ZNF831: variants seen among roughly 807,000 people sequenced by gnomAD.
ZNF831 encodes the protein chromosome 20 open reading frame 174.
A neutral mutation model predicts 95.8 loss-of-function variants in ZNF831; 59 were observed. That is an observed-to-expected ratio of 0.62 (90% CI 0.50 to 0.77). ZNF831 has a LOEUF of 0.77. Ranked by LOEUF, ZNF831 falls within the 30% of genes least tolerant of loss-of-function variation. The pLI is 0.00. For synonymous variants in ZNF831, 961 were observed against 925.5 expected, an observed-to-expected ratio of 1.04 and a Z score of -0.70; for missense variants, 2,205 against 2,164.0, an observed-to-expected ratio of 1.02 and a Z score of -0.38.
rs2146583461 is a variant in ZNF831 at position 59,193,446 on chromosome 20, C to A, written c.2427C>A (p.Pro809=). The A allele has an allele frequency of 6.2e-7, 1 of 1,604,884 alleles. No homozygotes were observed. The highest frequency in any genetic ancestry group is 1.7e-5 in the Admixed American group (1 of 59,126). ...GGGCCCAGACTGTCCTGAGATGGCC[C>A]AGCAGGGGCTCAGGGGAGGACAAGC... is the stretch of plus-strand genomic sequence containing the variant. ...CLWAQTVLRW[P]SRGSGEDKLP... Residue 809 remains proline, a synonymous_variant, in exon 2 of 6, where the codon CCC becomes CCA. Coordinates refer to ENST00000371030, the MANE Select transcript of ZNF831 (RefSeq NM_178457.3).
At chr20:59,249,004 C>T (rs181013960) in intron 4 of ZNF831, among the ~76,000 whole-genome samples, 106 of 152,328 alleles carry the variant, frequency 7.0e-4, no homozygotes, top group African/African-American at 2.5e-3. Flanking sequence ...TTGACTTCCC[C>T]ACCATCATCT....
At chr20:59,199,647 A>G (rs1304984883) in intron 3 of ZNF831, among the ~76,000 whole-genome samples, 1 of 152,138 alleles carries the variant, frequency 6.6e-6, no homozygotes. Flanking sequence ...ATTTGTTGTT[A>G]TCAGATTTTT....
At chr20:59,151,545 T>C (rs1980237579) in intron 2 of ZNF831, among the ~76,000 whole-genome samples, 2 of 152,122 alleles carry the variant, frequency 1.3e-5, no homozygotes, top group African/African-American at 2.4e-5. Flanking sequence ...GTAAAATAAC[T>C]TGGCCACAAC....
At chr20:59,133,965 C>T (rs1979426359) in intron 1 of ZNF831, among the ~76,000 whole-genome samples, 1 of 152,222 alleles carries the variant, frequency 6.6e-6, no homozygotes, top group East Asian at 1.9e-4. Context: ...GCCTTCTGGG[C>T]TTGGCCCATG....
intron 4 of ZNF831, among the ~76,000 whole-genome samples, chr20:59,221,043 T>G (rs915958737): frequency 6.6e-6 from 1 of 152,182 alleles, no homozygotes; most frequent in Non-Finnish European, 1.5e-5. Context: ...GCCCTTGAGA[T>G]TGAGGAGAGG....
Position 59,253,238 on chromosome 20 carries a change from G to T in ZNF831, c.4188+100G>T, listed in dbSNP as rs566288611. ...TTGTTCAGTGTGGCAGAACTTGCTC[G>T]GATCACCTTATGAAGATTCGTGGCA... is the stretch of plus-strand genomic sequence containing the variant. On this transcript the variant is annotated intron_variant, in intron 5 of 5. Transcript: ENST00000371030. 25 of 1,345,702 alleles carry T rather than the reference G, an allele frequency of 1.9e-5. 1 individual carries two copies. In the South Asian group the frequency reaches 3.4e-4, roughly 18 times the overall value. The allele number at this position is 1,345,702 out of a possible 1,614,324, so 83.4% of individuals were successfully genotyped here.
chr20:59,174,088 G>A (rs2146500986), intron 1 of ZNF831, among the ~76,000 whole-genome samples: 1 of 152,264 alleles, frequency 6.6e-6, no homozygotes, highest in African/African-American at 2.4e-5. Flanking sequence ...CACAAGCAGA[G>A]ATGTGGGCAT....
At position 59,256,637 on chromosome 20, in the gene ZNF831, T is replaced by C. The variant is rs1988201282; in HGVS notation, c.*1894T>C. 1 of 152,244 alleles carries C rather than the reference T, an allele frequency of 6.6e-6. No individual in the cohort carries two copies. The highest frequency in any genetic ancestry group is 1.5e-5 in the Non-Finnish European group (1 of 68,060). The allele number at this position is 152,244 out of a possible 1,614,324, so 9.4% of individuals were successfully genotyped here. Reference sequence around the variant, plus strand: ...AGGTTCCAATTTTTCTGAGAATGGTTGATAGAGAAGCTGCTCTCTCCTTAA... The same window carrying C: ...AGGTTCCAATTTTTCTGAGAATGGTCGATAGAGAAGCTGCTCTCTCCTTAA... On this transcript the variant is annotated 3_prime_UTR_variant, in exon 6 of 6. Coordinates refer to ENST00000371030, the MANE Select transcript of ZNF831 (RefSeq NM_178457.3).
At chr20:59,223,063 A>T (rs1432935669) in intron 4 of ZNF831, among the ~76,000 whole-genome samples, 1 of 152,082 alleles carries the variant, frequency 6.6e-6, no homozygotes, top group African/African-American at 2.4e-5. Context: ...ATGCAAGAGT[A>T]AGAATGTTCA....
At chr20:59,180,967 T>G (rs1489858200) in intron 1 of ZNF831, among the ~76,000 whole-genome samples, 1 of 152,244 alleles carries the variant, frequency 6.6e-6, no homozygotes, top group East Asian at 1.9e-4. Flanking sequence ...TCCACAATGG[T>G]TGAACTAATT....
intron 4 of ZNF831, among the ~76,000 whole-genome samples, chr20:59,239,171 C>CT (rs559652158): frequency 1.3e-5 from 2 of 151,688 alleles, no homozygotes; most frequent in African/African-American, 2.4e-5. Flanking sequence ...TCCACATTGA[C>CT]TTTTTTTTTC....
intron 1 of ZNF831, among the ~76,000 whole-genome samples, chr20:59,128,437 C>T (rs1029975412): frequency 6.6e-6 from 1 of 152,176 alleles, no homozygotes. Context: ...GAAGAGGTAG[C>T]ATCTGAATTG....
chr20:59,132,567 CT>C lies in ZNF831; in HGVS notation c.-1425+9066del, dbSNP rs200239184. On this transcript the variant is annotated intron_variant, in intron 1 of 7. Transcript: ENST00000637017. Reference sequence around the variant, plus strand: ...AAAAATGACATCTCATCTTCACCTGCTTTTCTTTTGATGATCAGAGAGGTGA... The same window carrying C: ...AAAAATGACATCTCATCTTCACCTGCTTTCTTTTGATGATCAGAGAGGTGA... Among the ~76,000 whole-genome samples, 995 of 152,280 alleles carry C rather than the reference CT, an allele frequency of 6.5e-3. 6 individuals carry two copies. The highest frequency in any genetic ancestry group is 0.027 in the South Asian group (128 of 4,814).
intron 3 of ZNF831, among the ~76,000 whole-genome samples, chr20:59,198,144 T>C (rs1984259592): frequency 6.6e-6 from 1 of 152,124 alleles, no homozygotes; most frequent in African/African-American, 2.4e-5. Flanking sequence ...TAATCCAGGG[T>C]GAGGGTCCCA....
intron 1 of ZNF831, among the ~76,000 whole-genome samples, chr20:59,137,468 T>G (rs1006719839): frequency 1.3e-5 from 2 of 152,134 alleles, no homozygotes; most frequent in African/African-American, 4.8e-5. Flanking sequence ...AACTCAGACC[T>G]TTTTAGGTTC....
chr20:59,139,271 T>C (rs1431527510), intron 1 of ZNF831, among the ~76,000 whole-genome samples: 1 of 152,230 alleles, frequency 6.6e-6, no homozygotes, highest in Non-Finnish European at 1.5e-5. Flanking sequence ...CTATGGTTTA[T>C]TTAATCATTT....
intron 3 of ZNF831, among the ~76,000 whole-genome samples, chr20:59,199,547 G>A (rs6026758): frequency 1.3e-5 from 2 of 152,172 alleles, no homozygotes; most frequent in African/African-American, 4.8e-5. Flanking sequence ...CATCGTGTCA[G>A]GACATACTGA....
chr20:59,225,649 T>C (rs1430444170), intron 4 of ZNF831, among the ~76,000 whole-genome samples: 2 of 152,168 alleles, frequency 1.3e-5, no homozygotes, highest in Non-Finnish European at 2.9e-5. Context: ...AACTCTGAAT[T>C]TTAAGTCTGT....
intron 4 of ZNF831, among the ~76,000 whole-genome samples, chr20:59,238,895 C>T (rs956153221): frequency 3.3e-5 from 5 of 152,196 alleles, no homozygotes; most frequent in Admixed American, 2.6e-4. Flanking sequence ...GACAGTCACA[C>T]ACAGCAGACG....
Sources: allele counts gnomAD v4.1 joint callset (sites outside exome capture counted in the v4.1 genomes callset), GRCh38; gene constraint gnomAD v4.1.1; transcripts MANE v1.5; gene names NCBI Gene and HGNC (gene_info 2026-07-23, HGNC 2026-07-21).